The following KLHL40 variants were observed in gnomAD, a reference collection of about 807,000 sequenced individuals.
KLHL40 encodes the protein kelch like family member 40.
KLHL40 carries 44 observed loss-of-function variants against 49.7 expected under a neutral mutation model. The ratio of observed to expected loss-of-function variants is 0.89; its 90% CI spans 0.70 to 1.14. The LOEUF is 1.14. Among genes scored for constraint, KLHL40 ranks in the 50% most tolerant of loss-of-function variants. The probability of loss-of-function intolerance (pLI) is 0.00; values close to 1 mark genes in which losing one functional copy is unlikely to be tolerated. For synonymous variants in KLHL40, 409 were observed against 365.2 expected (o/e 1.12, Z -1.37); for missense variants, 892 against 850.3 (o/e 1.05, Z -0.61).
rs1259316854 is a variant in KLHL40, at chr3:42,685,997, C to G, written c.379C>G (p.Arg127Gly). The change falls in exon 1 of 6, where the codon CGC (arginine) becomes GGC (glycine). Residue 127 changes from arginine (R) to glycine (G), a missense_variant. By Grantham distance (125) the Arg-to-Gly change is moderately radical. Coordinates refer to ENST00000287777, the MANE Select transcript of KLHL40 (RefSeq NM_152393.4). The stretch of plus-strand genomic sequence containing the variant: ...CATCTGCGTGTCCTTCCTGCAGAAG[C>G]GCCTGTGCCTCTCCAACTGCTTGGC... ...FTICVSFLQK[R>G]LCLSNCLAVF... The G allele has an allele frequency of 1.2e-6, 2 of 1,611,468 alleles. No homozygotes were observed. Among genetic ancestry groups the G allele is most frequent in the African/African-American group, 1.3e-5 (1 of 75,044 alleles).
chr3:42,691,736 C>A, intron 5 of KLHL40, 146 bp from the exon 6 acceptor site: 1 of 629,484 alleles, frequency 1.6e-6, no homozygotes, highest in Non-Finnish European at 2.9e-6. Context: ...TGTGGGGGGT[C>A]TCCTTTCCCA....
At chr3:42,691,430 G>C (rs114013035) in intron 5 of KLHL40, among the ~76,000 whole-genome samples, 2,444 of 152,220 alleles carry the variant, frequency 0.016, 74 homozygotes, top group African/African-American at 0.055. Flanking sequence ...GGTCCTTTGT[G>C]GGGGTGGGAG....
Position 42,692,174 on chromosome 3 carries a change from C to T in KLHL40, c.*181C>T. On this transcript the variant is annotated 3_prime_UTR_variant, in exon 6 of 6. Transcript: ENST00000287777. The stretch of plus-strand genomic sequence containing the variant: ...TGCTGCTTAGTCCTGGACTTTTGGG[C>T]AAGGGTGAGAAACTAGAGGCTTCTC... 3.4e-6 allele frequency: 2 copies of T among 586,768 alleles called. No homozygotes were observed. Among genetic ancestry groups the T allele is most frequent in the South Asian group, 4.3e-5 (2 of 46,346 alleles). 36.3% of individuals were successfully genotyped at this position (586,768 alleles called of 1,614,324 possible).
intron 5 of KLHL40, among the ~76,000 whole-genome samples, 191 bp downstream of exon 5, chr3:42,691,196 C>G (rs781729971): frequency 2.0e-5 from 3 of 152,138 alleles, no homozygotes; most frequent in Non-Finnish European, 4.4e-5. Flanking sequence ...TTGGGAAAGT[C>G]TGGGCTTGCA....
In KLHL40 at chr3:42,688,674, C is replaced by T; in HGVS notation, c.1378C>T (p.His460Tyr). The change falls in exon 3 of 6, where the codon CAC becomes TAC. Residue 460 changes from histidine (H) to tyrosine (Y), a missense_variant. Physicochemically the swap from His to Tyr is moderately conservative, Grantham distance 83. Transcript: ENST00000287777. The surrounding 1 kb of genome is among the most constrained non-coding windows in gnomAD (Gnocchi z 4.2). ...GGTGTATGGCCACACAGTGCTCTCC[C>T]ACATGGACCTTGTCTACGTAATTGG... ...YVVYGHTVLSHMDLVYVIGGK... is the reference protein window; with the variant it reads ...YVVYGHTVLSYMDLVYVIGGK... The T allele has an allele frequency of 6.2e-7, 1 of 1,614,046 alleles. No homozygotes were observed. The highest frequency in any genetic ancestry group is 8.5e-7 in the Non-Finnish European group (1 of 1,180,004).
Position 42,686,221 on chromosome 3 carries a change from G to C in KLHL40, c.603G>C (p.Trp201Cys). The C allele has an allele frequency of 6.4e-7, 1 of 1,556,134 alleles. No homozygotes were observed. Among genetic ancestry groups the C allele is most frequent in the Non-Finnish European group, 8.7e-7 (1 of 1,153,212 alleles). ...CAGTGTTCGAGGCGGTGATGCGGTGGGCGGGTAGCGGCGACGCCGAGGCGC... is the reference window on the plus strand; with the variant it reads ...CAGTGTTCGAGGCGGTGATGCGGTGCGCGGGTAGCGGCGACGCCGAGGCGC... ...EEAVFEAVMR[W>C]AGSGDAEAQA... Residue 201 changes from tryptophan to cysteine, a missense_variant, in exon 1 of 6, where the codon TGG becomes TGC. By Grantham distance (215) the Trp-to-Cys change is radical (BLOSUM62 -2). Transcript: ENST00000287777.
chr3:42,687,239 G>T (rs1039002830), intron 1 of KLHL40, among the ~76,000 whole-genome samples: 3 of 152,196 alleles, frequency 2.0e-5, no homozygotes, highest in African/African-American at 7.2e-5. Context: ...TCTGAGTTGG[G>T]GTGTGACTGT....
chr3:42,688,451 C>T lies in KLHL40; in HGVS notation c.1313+149C>T, dbSNP rs1441533448. On this transcript the variant is annotated intron_variant, in intron 2 of 5. Transcript: ENST00000287777. This position sits in a 1 kb window ranked among gnomAD's most constrained non-coding sequence, Gnocchi z 4.2. ...GGGTAAGGGCGGGGAGGTTGGGGGG[C>T]AGGGTGGGATCAAAGAACTGAGAGG... The T allele has an allele frequency of 1.1e-6, 1 of 907,274 alleles. No individual in the cohort carries two copies. Among genetic ancestry groups the T allele is most frequent in the South Asian group, 1.5e-5 (1 of 64,732 alleles). The allele number at this position is 907,274 out of a possible 1,614,324, so 56.2% of individuals were successfully genotyped here. A position where few individuals can be genotyped will look rare whatever the true frequency, so the allele number is the denominator to read the frequency against.
In KLHL40 at chr3:42,688,631, G is replaced by A. The variant is rs149611135; in HGVS notation, c.1335G>A (p.Ser445=). 184 of 1,613,766 alleles carry A rather than the reference G, an allele frequency of 1.1e-4. No homozygotes were observed. The highest frequency in any genetic ancestry group is 6.6e-4 in the Middle Eastern group (4 of 6,062). ...CCAGGTCATTCAAATGGGGTGAATCGGACCCGCTGCCTTACGTGGTGTATG... is the reference window on the plus strand; with the variant it reads ...CCAGGTCATTCAAATGGGGTGAATCAGACCCGCTGCCTTACGTGGTGTATG... The part of the protein sequence containing the change: ...YDRLSFKWGE[S]DPLPYVVYGH... Residue 445 remains serine (S), a synonymous_variant, in exon 3 of 6, where the codon TCG becomes TCA. Coordinates refer to ENST00000287777, the MANE Select transcript of KLHL40 (RefSeq NM_152393.4). The surrounding 1 kb of genome is among the most constrained non-coding windows in gnomAD (Gnocchi z 4.2).
chr3:42,687,414 T>C (rs1372312470), intron 1 of KLHL40, among the ~76,000 whole-genome samples: 2 of 151,990 alleles, frequency 1.3e-5, no homozygotes, highest in Non-Finnish European at 2.9e-5. Flanking sequence ...AGTGGTGTGC[T>C]CAGGGAGGCC....
chr3:42,687,060 G>A (rs1697283964), intron 1 of KLHL40, among the ~76,000 whole-genome samples: 1 of 152,276 alleles, frequency 6.6e-6, no homozygotes, highest in South Asian at 2.1e-4. Context: ...GTGGGGCACA[G>A]TAAGGAGCAG....
At position 42,688,583 on chromosome 3, in the gene KLHL40, C is replaced by T. The variant is rs780836364; in HGVS notation, c.1314-27C>T. 13 of 1,552,778 alleles carry T rather than the reference C, an allele frequency of 8.4e-6. No homozygotes were observed. The highest frequency in any genetic ancestry group is 9.8e-6 in the Non-Finnish European group (11 of 1,125,810). Reference sequence around the variant, plus strand: ...GAGCCGAGCCTGGATGGGTGCCCTCCCCCACCCCCACTCCCGTCTCCTCCA... The same window carrying T: ...GAGCCGAGCCTGGATGGGTGCCCTCTCCCACCCCCACTCCCGTCTCCTCCA... On this transcript the variant is annotated intron_variant, in intron 2 of 5. Transcript: ENST00000287777. This position sits in a 1 kb window ranked among gnomAD's most constrained non-coding sequence, Gnocchi z 4.2.
rs1227428233 is a variant in KLHL40, at chr3:42,686,762, T to G, written c.1144T>G (p.Phe382Val). ...DNKEDPMSAY[F>V]LQFDHLDSEW... ...CAAAGAGGACCCCATGAGCGCATAC[T>G]TCCTGCAGGTGCCTGACCAGCCTTG... Residue 382 changes from phenylalanine (F) to valine (V), a missense_variant, in exon 1 of 6, where the codon TTC becomes GTC. Transcript: ENST00000287777. 4 of 1,607,144 alleles carry G rather than the reference T, an allele frequency of 2.5e-6. No homozygotes were observed. In the African/African-American group the frequency reaches 5.4e-5, roughly 22 times the overall value.
intron 4 of KLHL40, among the ~76,000 whole-genome samples, chr3:42,690,618 G>A (rs914768863): frequency 2.6e-5 from 4 of 152,108 alleles, no homozygotes; most frequent in African/African-American, 7.2e-5. Flanking sequence ...GATCCATGGT[G>A]GACTTTGCTG....
Position 42,688,439 on chromosome 3 carries a change from G to A in KLHL40, c.1313+137G>A, listed in dbSNP as rs1262449718. The A allele has an allele frequency of 2.1e-6, 2 of 940,056 alleles. No individual in the cohort carries two copies. The highest frequency in any genetic ancestry group is 3.3e-6 in the Non-Finnish European group (2 of 609,094). The allele number at this position is 940,056 out of a possible 1,614,324, so 58.2% of individuals were successfully genotyped here. On this transcript the variant is annotated intron_variant, in intron 2 of 5. Coordinates refer to ENST00000287777, the MANE Select transcript of KLHL40 (RefSeq NM_152393.4). The surrounding 1 kb of genome is among the most constrained non-coding windows in gnomAD (Gnocchi z 4.2). The stretch of plus-strand genomic sequence containing the variant: ...GAAGGTGGGCTTGGGTAAGGGCGGG[G>A]AGGTTGGGGGGCAGGGTGGGATCAA...
chr3:42,691,949 T>A lies in KLHL40; in HGVS notation c.1822T>A (p.Phe608Ile). The A allele has an allele frequency of 2.5e-6, 4 of 1,613,612 alleles. No individual in the cohort carries two copies. The highest frequency in any genetic ancestry group is 3.4e-6 in the Non-Finnish European group (4 of 1,179,530). ...REIAYAAGAT[F>I]LPVRLNVLCL... ...GATCGCCTATGCAGCAGGTGCCACC[T>A]TCCTACCAGTGCGGCTCAATGTGCT... The change falls in exon 6 of 6, where the codon TTC becomes ATC. Residue 608 changes from phenylalanine (F) to isoleucine (I), a missense_variant. By Grantham distance (21) the Phe-to-Ile change is conservative. Coordinates refer to ENST00000287777, the MANE Select transcript of KLHL40 (RefSeq NM_152393.4).
intron 5 of KLHL40, among the ~76,000 whole-genome samples, chr3:42,691,527 C>A (rs372683287): frequency 6.6e-6 from 1 of 152,012 alleles, no homozygotes; most frequent in African/African-American, 2.4e-5. Flanking sequence ...GCAGTGCTGC[C>A]GGAGGCTGAG....
In KLHL40 at chr3:42,692,437, T is replaced by C; in HGVS notation, c.*444T>C. On this transcript the variant is annotated 3_prime_UTR_variant, in exon 6 of 6. Coordinates refer to ENST00000287777, the MANE Select transcript of KLHL40 (RefSeq NM_152393.4). ...CCTTCTGAGCAAGCAGCTCAGGGTC[T>C]GCATCAGTGCTCCAAGAGTCAGTGA... 1 of 450,444 alleles carries C rather than the reference T, an allele frequency of 2.2e-6. No individual in the cohort carries two copies. Among genetic ancestry groups the C allele is most frequent in the Non-Finnish European group, 4.1e-6 (1 of 246,708 alleles). The allele number at this position is 450,444 out of a possible 1,614,324, so 27.9% of individuals were successfully genotyped here.
rs535276559 is a variant in KLHL40 at position 42,688,505 on chromosome 3, G to T, written c.1314-105G>T. ...CGGAAGTTCCAGCAATGGATCTGAC[G>T]CATCTCGAATATGTGTTAGGTGGAT... On this transcript the variant is annotated intron_variant, in intron 2 of 5. Coordinates refer to ENST00000287777, the MANE Select transcript of KLHL40 (RefSeq NM_152393.4). The surrounding 1 kb of genome is among the most constrained non-coding windows in gnomAD (Gnocchi z 4.2). 2.0e-6 allele frequency: 2 copies of T among 1,002,754 alleles called. No individual in the cohort carries two copies. The highest frequency in any genetic ancestry group is 1.6e-5 in the African/African-American group (1 of 62,722). 62.1% of individuals were successfully genotyped at this position (1,002,754 alleles called of 1,614,324 possible).
Sources: allele counts gnomAD v4.1 joint callset (sites outside exome capture counted in the v4.1 genomes callset), GRCh38; gene constraint gnomAD v4.1.1; non-coding constraint Gnocchi (gnomAD v3.1); transcripts MANE v1.5; gene names NCBI Gene and HGNC (gene_info 2026-07-23, HGNC 2026-07-21).